ADGRF5: variants seen among roughly 807,000 people sequenced by gnomAD.
The protein encoded by ADGRF5 is G-protein coupled receptor 116.
In ADGRF5, 75 loss-of-function variants were observed where a neutral mutation model predicts 132.3. The ratio of observed to expected loss-of-function variants is 0.57; its 90% CI spans 0.47 to 0.69. The LOEUF (loss-of-function observed/expected upper bound fraction) is 0.69. Among genes scored for constraint, ADGRF5 ranks in the 30% least tolerant of loss-of-function variants. The probability of loss-of-function intolerance (pLI) is 0.00; values close to 1 mark genes in which losing one functional copy is unlikely to be tolerated. For synonymous variants in ADGRF5, 629 were observed against 597.6 expected (o/e 1.05, Z -0.77); for missense variants, 1,516 against 1,630.6 (o/e 0.93, Z 1.21).
At chr6:46,897,605 C>T (rs1319245778) in intron 3 of ADGRF5, among the ~76,000 whole-genome samples, 1 of 152,146 alleles carries the variant, frequency 6.6e-6, no homozygotes, top group Non-Finnish European at 1.5e-5. Context: ...GATGGAGTCT[C>T]GCGCTGTCGC....
chr6:46,876,870 G>T (rs1771714388), intron 10 of ADGRF5, among the ~76,000 whole-genome samples: 1 of 151,238 alleles, frequency 6.6e-6, no homozygotes. Context: ...CTCTGAAAGT[G>T]CTGGGATTAC....
chr6:46,953,661 A>ATATATATATATATATATAGATATATG (rs1778599359), intron 1 of ADGRF5, among the ~76,000 whole-genome samples: 2 of 120,226 alleles, frequency 1.7e-5, no homozygotes, highest in African/African-American at 3.8e-5. Context: ...GTATATATAT[A>ATATATATATATATATATAGATATATG]TATATATATA....
intron 1 of ADGRF5, among the ~76,000 whole-genome samples, chr6:46,920,533 G>GGC (rs1554212962): frequency 7.4e-6 from 1 of 135,300 alleles, no homozygotes; most frequent in African/African-American, 2.7e-5. Flanking sequence ...ATTTGGGGGG[G>GGC]GGGAAGAGAG....
chr6:46,888,238 C>A, intron 4 of ADGRF5, 97 bp downstream of exon 4: 1 of 820,256 alleles, frequency 1.2e-6, no homozygotes, highest in Admixed American at 2.2e-5. Context: ...ATTTCACTTG[C>A]CTACTAAGTA....
At chr6:46,927,258 A>G (rs539305974) in intron 1 of ADGRF5, among the ~76,000 whole-genome samples, 1 of 142,776 alleles carries the variant, frequency 7.0e-6, no homozygotes, top group African/African-American at 2.6e-5. Context: ...CATCCATGCC[A>G]GGAGAAAATC....
Position 46,858,708 on chromosome 6 carries a change from G to T in ADGRF5, c.3195C>A (p.Asn1065Lys). 6.2e-7 allele frequency: 1 copy of T among 1,614,166 alleles called. No individual in the cohort carries two copies. Residue 1065 changes from asparagine to lysine, a missense_variant, in exon 17 of 21, where the codon AAC becomes AAA. Asn to Lys is a moderately conservative substitution (Grantham distance 94). Transcript: ENST00000283296. Reference sequence around the variant, plus strand: ...TGGCAGCGACCACAATGAACCAGGTGTTGGCGACCAGAAGGGAGGCAGCGA... The same window carrying T: ...TGGCAGCGACCACAATGAACCAGGTTTTGGCGACCAGAAGGGAGGCAGCGA... ...VNIAASLLVA[N>K]TWFIVVAAIQ...
intron 3 of ADGRF5, among the ~76,000 whole-genome samples, chr6:46,899,613 C>T (rs963502467): frequency 1.3e-5 from 2 of 151,236 alleles, no homozygotes; most frequent in Admixed American, 6.6e-5. Flanking sequence ...ACTTGAGCCT[C>T]GTGGTTAGAT....
At chr6:46,875,332 T>C (rs1771532008) in intron 10 of ADGRF5, among the ~76,000 whole-genome samples, 1 of 152,170 alleles carries the variant, frequency 6.6e-6, no homozygotes, top group Non-Finnish European at 1.5e-5. Context: ...AGTTGGTACT[T>C]TGCTTTCTGG....
At chr6:46,942,178 C>T (rs1778114373) in intron 1 of ADGRF5, among the ~76,000 whole-genome samples, 1 of 152,190 alleles carries the variant, frequency 6.6e-6, no homozygotes, top group African/African-American at 2.4e-5. Flanking sequence ...CCATCACCTC[C>T]TCCCCCTGTC....
chr6:46,915,423 T>C (rs1035263681), intron 1 of ADGRF5, among the ~76,000 whole-genome samples: 2 of 151,964 alleles, frequency 1.3e-5, no homozygotes, highest in East Asian at 1.9e-4. Flanking sequence ...GAAGTCTGTG[T>C]AGGATCCCAG....
intron 2 of ADGRF5, among the ~76,000 whole-genome samples, chr6:46,900,757 A>G (rs1227870977): frequency 6.6e-6 from 1 of 152,178 alleles, no homozygotes; most frequent in African/African-American, 2.4e-5. Flanking sequence ...TAATAACAAT[A>G]TCAACTTCAT....
chr6:46,940,218 T>C (rs1480858563), intron 1 of ADGRF5, among the ~76,000 whole-genome samples: 2 of 152,242 alleles, frequency 1.3e-5, no homozygotes, highest in African/African-American at 2.4e-5. Flanking sequence ...GTGCAACTCT[T>C]GATTCATCAC....
chr6:46,904,422 A>C (rs1775107648), intron 2 of ADGRF5, among the ~76,000 whole-genome samples: 1 of 152,218 alleles, frequency 6.6e-6, no homozygotes, highest in Non-Finnish European at 1.5e-5. Context: ...TGAGGATAAT[A>C]TGCTAAGTGA....
Position 46,861,509 on chromosome 6 carries a change from AC to A in ADGRF5, c.2200-616del, listed in dbSNP as rs201647843. On this transcript the variant is annotated intron_variant, in intron 15 of 20. Transcript: ENST00000283296. ...CGAAAAGCATTTGATAGATGTTCCA[AC>A]CCAGGAAAGTTCCTTCCTCTGAATG... Among the ~76,000 whole-genome samples, 945 of 152,328 alleles carry A rather than the reference AC, an allele frequency of 6.2e-3. 36 individuals are homozygous for A. Among genetic ancestry groups the A allele is most frequent in the Admixed American group, 0.054 (826 of 15,302 alleles).
Position 46,878,279 on chromosome 6 carries a change from G to C in ADGRF5, c.1163C>G (p.Ser388Cys), listed in dbSNP as rs758541554. 1 of 1,613,636 alleles carries C rather than the reference G, an allele frequency of 6.2e-7. No individual in the cohort carries two copies. Among genetic ancestry groups the C allele is most frequent in the African/African-American group, 1.3e-5 (1 of 74,880 alleles). The change falls in exon 10 of 21, where the codon TCT becomes TGT. Residue 388 changes from serine (S) to cysteine (C), a missense_variant. Ser to Cys is a moderately radical substitution (Grantham distance 112). Around this residue, in one of 2 missense-constraint regions of ADGRF5, gnomAD observed 945 missense variants for 929.4 expected, o/e 1.02. Coordinates refer to ENST00000283296, the MANE Select transcript of ADGRF5 (RefSeq NM_001098518.2). ...MKVMCDNNPV[S>C]LNCCSQGNVN... is the part of the protein sequence containing the mutation. ...ATTACCCTGACTGCAGCAGTTCAAA[G>C]ATACAGGATTGTTGTCGCACATCAC...
chr6:46,938,059 A>G (rs1460254623), intron 1 of ADGRF5, among the ~76,000 whole-genome samples: 1 of 152,254 alleles, frequency 6.6e-6, no homozygotes, highest in Non-Finnish European at 1.5e-5. Flanking sequence ...AGAGTTATCA[A>G]TACCAGAAAT....
intron 1 of ADGRF5, among the ~76,000 whole-genome samples, chr6:46,940,977 C>T (rs1348599274): frequency 1.3e-5 from 2 of 152,162 alleles, no homozygotes. Flanking sequence ...CACTCAGAGT[C>T]TGCTCAGTAG....
chr6:46,918,564 G>C (rs1360762583), intron 1 of ADGRF5, among the ~76,000 whole-genome samples: 1 of 152,196 alleles, frequency 6.6e-6, no homozygotes, highest in Non-Finnish European at 1.5e-5. Context: ...AGTATGATCT[G>C]ATAGTCATCT....
intron 1 of ADGRF5, among the ~76,000 whole-genome samples, chr6:46,952,554 A>T (rs1428318354): frequency 6.6e-6 from 1 of 152,228 alleles, no homozygotes; most frequent in Non-Finnish European, 1.5e-5. Flanking sequence ...TACTCAAAAT[A>T]TTTGGTGAGT....
Sources: allele counts gnomAD v4.1 joint callset (sites outside exome capture counted in the v4.1 genomes callset), GRCh38; gene constraint gnomAD v4.1.1; regional missense constraint gnomAD v4.1.1; transcripts MANE v1.5; gene names NCBI Gene and HGNC (gene_info 2026-07-23, HGNC 2026-07-21).